The following SATB1 variants were observed in gnomAD, a reference collection of about 807,000 sequenced individuals.
The protein encoded by SATB1 is SATB homeobox 1.
Under a neutral mutation model 86.9 loss-of-function variants are expected in SATB1, and 11 were observed. The observed-to-expected ratio is 0.13, with a 90% confidence interval of 0.08 to 0.21. SATB1 has a LOEUF of 0.21. Among genes scored for constraint, SATB1 ranks in the 10% least tolerant of loss-of-function variants. The pLI, the probability that SATB1 is intolerant of heterozygous loss-of-function variation, is 1.00. For synonymous variants in SATB1, 357 were observed against 357.2 expected, an observed-to-expected ratio of 1.00 and a Z score of 0.01; for missense variants, 551 against 937.6, an observed-to-expected ratio of 0.59 and a Z score of 5.39.
At chr3:18,351,964 T>A (rs1202787714) in intron 10 of SATB1, 28 bp downstream of exon 10, 2 of 1,603,624 alleles carry the variant, frequency 1.2e-6, no homozygotes, top group Non-Finnish European at 1.7e-6. Context: ...TACTTATTGC[T>A]ATACTGAATT....
In SATB1 at chr3:18,348,857, G is replaced by C. The variant is rs1575070359; in HGVS notation, c.*313C>G. On this transcript the variant is annotated 3_prime_UTR_variant, in exon 11 of 11. Transcript: ENST00000338745. ...ATGCTTGTTTGAGGCTCCGGAATAA[G>C]AACTAAAAAAAAAACAAAAAACACT... 3.3e-6 allele frequency: 1 copy of C among 307,022 alleles called. No homozygotes were observed. 19.0% of individuals were successfully genotyped at this position (307,022 alleles called of 1,614,324 possible).
At chr3:18,442,451 TAGTA>T (rs1353721340), upstream of SATB1, among the ~76,000 whole-genome samples, 3 of 152,204 alleles carry the variant, frequency 2.0e-5, no homozygotes, top group South Asian at 2.1e-4. Flanking sequence ...AACTATGAAG[TAGTA>T]AGTGTCAAAT....
intron 6 of SATB1, 33 bp downstream of exon 6, chr3:18,397,146 T>A: frequency 1.7e-6 from 2 of 1,158,086 alleles, no homozygotes; most frequent in Non-Finnish European, 2.6e-6. Flanking sequence ...CGTAATGGTA[T>A]GTAGCCACTG....
intron 7 of SATB1, among the ~76,000 whole-genome samples, chr3:18,391,111 G>A (rs1305131636): frequency 6.6e-6 from 1 of 151,918 alleles, no homozygotes; most frequent in Non-Finnish European, 1.5e-5. Flanking sequence ...TTCAGAAAAG[G>A]TAGGCTTAAA....
chr3:18,377,069 C>A (rs1007990895), intron 9 of SATB1, among the ~76,000 whole-genome samples: 1 of 152,124 alleles, frequency 6.6e-6, no homozygotes, highest in Non-Finnish European at 1.5e-5. Flanking sequence ...GAACAACATT[C>A]TTCTAAAGCA....
intron 9 of SATB1, among the ~76,000 whole-genome samples, chr3:18,366,599 C>T (rs534319561): frequency 6.6e-5 from 10 of 152,150 alleles, no homozygotes; most frequent in Non-Finnish European, 1.3e-4. Flanking sequence ...CACCCTACCA[C>T]ATATTAAACC....
intron 7 of SATB1, among the ~76,000 whole-genome samples, chr3:18,387,403 C>A (rs992431302): frequency 6.6e-6 from 1 of 152,118 alleles, no homozygotes; most frequent in Non-Finnish European, 1.5e-5. Flanking sequence ...TATCAAATTT[C>A]TTGGGGAATA....
At chr3:18,442,584 A>G (rs1163812924), upstream of SATB1, among the ~76,000 whole-genome samples, 1 of 152,224 alleles carries the variant, frequency 6.6e-6, no homozygotes, top group African/African-American at 2.4e-5. Flanking sequence ...CATTGTCTAC[A>G]GTGTATTTAA....
Position 18,386,631 on chromosome 3 carries a change from C to T in SATB1, c.1207-20G>A, listed in dbSNP as rs766190576. 9.8e-5 allele frequency: 156 copies of T among 1,599,316 alleles called. No homozygotes were observed. Among genetic ancestry groups the T allele is most frequent in the Non-Finnish European group, 1.2e-4 (141 of 1,167,020 alleles). On this transcript the variant is annotated intron_variant, in intron 7 of 10. Coordinates refer to ENST00000338745, the MANE Select transcript of SATB1 (RefSeq NM_002971.6). This position sits in a 1 kb window ranked among gnomAD's most constrained non-coding sequence, Gnocchi z 4.5. ...CAAGCCCTGCAAGAAATGAAAGGCA[C>T]AGGGTGAGCCTGCTGCCTTGCTTTG...
intron 9 of SATB1, among the ~76,000 whole-genome samples, chr3:18,375,382 C>T (rs770940102): frequency 2.4e-4 from 37 of 152,178 alleles, no homozygotes; most frequent in Non-Finnish European, 4.3e-4. Flanking sequence ...CAAAAAAACA[C>T]GATGGTTAAG....
At position 18,349,739 on chromosome 3, in the gene SATB1, C is replaced by T; in HGVS notation, c.1780-57G>A. On this transcript the variant is annotated intron_variant, in intron 10 of 10. Coordinates refer to ENST00000338745, the MANE Select transcript of SATB1 (RefSeq NM_002971.6). The surrounding 1 kb of genome is among the most constrained non-coding windows in gnomAD (Gnocchi z 5.5). ...TGCTATCGTGGAGTTCCACACAAAG[C>T]CGTCTCCAATCAGGAAAAATGTGGT... 1 of 1,526,776 alleles carries T rather than the reference C, an allele frequency of 6.5e-7. No individual in the cohort carries two copies. Among genetic ancestry groups the T allele is most frequent in the South Asian group, 1.2e-5 (1 of 82,130 alleles). The allele number at this position is 1,526,776 out of a possible 1,614,324, so 94.6% of individuals were successfully genotyped here.
chr3:18,439,873 C>A (rs934828581), upstream of SATB1, among the ~76,000 whole-genome samples: 54 of 152,036 alleles, frequency 3.6e-4, no homozygotes, highest in African/African-American at 1.2e-3. Flanking sequence ...AGAAAAACAA[C>A]AAATACATTT....
intron 8 of SATB1, among the ~76,000 whole-genome samples, chr3:18,384,801 T>C (rs943560269): frequency 5.3e-5 from 8 of 152,216 alleles, no homozygotes; most frequent in East Asian, 1.9e-4. Context: ...AAATATTTTA[T>C]AGAAGCATTT....
chr3:18,414,275 G>T (rs1340173980), intron 5 of SATB1, among the ~76,000 whole-genome samples: 2 of 151,946 alleles, frequency 1.3e-5, no homozygotes, highest in Non-Finnish European at 2.9e-5. Flanking sequence ...GACCACAAAA[G>T]CAGCCCTTTA....
intron 9 of SATB1, among the ~76,000 whole-genome samples, chr3:18,355,605 G>A (rs1046916382): frequency 8.6e-5 from 13 of 151,906 alleles, no homozygotes; most frequent in African/African-American, 3.1e-4. Flanking sequence ...TTATGTGGGG[G>A]AGCAGAGATG....
chr3:18,433,558 T>C (rs1002984523), intron 2 of SATB1, among the ~76,000 whole-genome samples: 1 of 152,126 alleles, frequency 6.6e-6, no homozygotes, highest in Non-Finnish European at 1.5e-5. Flanking sequence ...TAAAAACTTG[T>C]ATTAATGATG....
At chr3:18,351,458 A>T (rs1367832029) in intron 10 of SATB1, 3 of 1,379,318 alleles carry the variant, frequency 2.2e-6, no homozygotes, top group Middle Eastern at 1.8e-4. Flanking sequence ...ACATTCTGTA[A>T]AGTGTGGGGA....
chr3:18,358,607 G>T (rs1377551308), intron 9 of SATB1, among the ~76,000 whole-genome samples: 2 of 151,806 alleles, frequency 1.3e-5, no homozygotes, highest in Non-Finnish European at 2.9e-5. Context: ...TCTAAAAGTA[G>T]CACATTACAT....
At chr3:18,359,814 A>T (rs1694821298) in intron 9 of SATB1, among the ~76,000 whole-genome samples, 1 of 151,942 alleles carries the variant, frequency 6.6e-6, no homozygotes, top group Non-Finnish European at 1.5e-5. Context: ...CATTAAAAAA[A>T]ACAGAAAACT....
Sources: allele counts gnomAD v4.1 joint callset (sites outside exome capture counted in the v4.1 genomes callset), GRCh38; gene constraint gnomAD v4.1.1; non-coding constraint Gnocchi (gnomAD v3.1); transcripts MANE v1.5; gene names NCBI Gene and HGNC (gene_info 2026-07-23, HGNC 2026-07-21).